The following NR5A2 variants were observed in gnomAD, a reference collection of about 807,000 sequenced individuals.
NR5A2 encodes the protein nuclear receptor subfamily 5 group A member 2.
NR5A2 carries 26 observed loss-of-function variants against 62.7 expected under a neutral mutation model. The observed-to-expected ratio is 0.41, with a 90% confidence interval of 0.30 to 0.58. The LOEUF (loss-of-function observed/expected upper bound fraction) is 0.58, where lower values mean the gene tolerates loss of function less well. Among genes scored for constraint, NR5A2 ranks in the 20% least tolerant of loss-of-function variants. The pLI is 0.22. For synonymous variants in NR5A2, 246 were observed against 241.7 expected, an observed-to-expected ratio of 1.02 and a Z score of -0.16; for missense variants, 541 against 669.1, an observed-to-expected ratio of 0.81 and a Z score of 2.11.
intron 5 of NR5A2, among the ~76,000 whole-genome samples, chr1:200,065,386 C>A (rs992084813): frequency 6.6e-6 from 1 of 151,794 alleles, no homozygotes; most frequent in Non-Finnish European, 1.5e-5. Flanking sequence ...TCAGGTGATC[C>A]ACCACCTCGG....
chr1:200,104,066 T>C (rs920537604), intron 5 of NR5A2, among the ~76,000 whole-genome samples: 24 of 152,086 alleles, frequency 1.6e-4, no homozygotes, highest in Admixed American at 3.3e-4. Context: ...TTGTGCTGCA[T>C]TGGAGAAACA....
Position 200,149,986 on chromosome 1 carries a change from A to G in NR5A2, c.1379-23977A>G, listed in dbSNP as rs116279677. Among the ~76,000 whole-genome samples the G allele has an allele frequency of 5.1e-3, 775 of 152,282 alleles. 8 individuals are homozygous for G. Among genetic ancestry groups the G allele is most frequent in the African/African-American group, 0.018 (748 of 41,558 alleles). On this transcript the variant is annotated intron_variant, in intron 7 of 7. Coordinates refer to ENST00000367362, the MANE Select transcript of NR5A2 (RefSeq NM_205860.3). ...AGTCATTCGTTCCAGAGTTTATATC[A>G]CTTATGTAAAGCGTATAACTCCAAA...
intron 6 of NR5A2, among the ~76,000 whole-genome samples, chr1:200,114,909 T>C (rs1440676652): frequency 6.6e-6 from 1 of 152,214 alleles, no homozygotes; most frequent in African/African-American, 2.4e-5. Flanking sequence ...TCACAGATGC[T>C]GCAGAGCTTG....
At chr1:200,148,774 T>C (rs1387354976) in intron 7 of NR5A2, among the ~76,000 whole-genome samples, 2 of 152,196 alleles carry the variant, frequency 1.3e-5, no homozygotes, top group Non-Finnish European at 2.9e-5. Context: ...ACAAATGAGA[T>C]TTAAAAATTG....
chr1:200,130,278 G>GGAAGAAGAAGAAGAAGAAGAA (rs66507419), intron 7 of NR5A2, among the ~76,000 whole-genome samples: 41 of 106,434 alleles, frequency 3.9e-4, no homozygotes, highest in Non-Finnish European at 7.4e-4. Flanking sequence ...GAACTAACTA[G>GGAAGAAGAAGAAGAAGAAGAA]GAAGAAGAAG....
chr1:200,086,777 G>C (rs1279646971), intron 5 of NR5A2, among the ~76,000 whole-genome samples: 1 of 152,130 alleles, frequency 6.6e-6, no homozygotes, highest in Non-Finnish European at 1.5e-5. Context: ...GGTGGCTCAC[G>C]CCTCTAATTC....
At chr1:200,033,239 G>C (rs1661609463) in intron 1 of NR5A2, among the ~76,000 whole-genome samples, 1 of 152,168 alleles carries the variant, frequency 6.6e-6, no homozygotes, top group African/African-American at 2.4e-5. Flanking sequence ...CAGATGGTGA[G>C]AAGGAACTGA....
rs373288871 is a variant in NR5A2 at position 200,034,662 on chromosome 1, C to T, written c.65-4996C>T. 1.2e-4 allele frequency among the ~76,000 whole-genome samples: 18 copies of T among 151,758 alleles called. No homozygotes were observed. The East Asian group carries it at 2.1e-3, about 18-fold the overall frequency. On this transcript the variant is annotated intron_variant, in intron 1 of 7. Transcript: ENST00000367362. ...TTGCTTCGGCTTTCGTTTTCCTCCG[C>T]GATAAAAACCGCGCCACGCCAGATC...
intron 7 of NR5A2, among the ~76,000 whole-genome samples, chr1:200,171,236 G>A (rs922900273): frequency 4.6e-5 from 7 of 152,166 alleles, no homozygotes. Context: ...GGGACAATTA[G>A]CAGCATATGT....
chr1:200,170,811 G>T (rs1277249357), intron 7 of NR5A2, among the ~76,000 whole-genome samples: 1 of 152,198 alleles, frequency 6.6e-6, no homozygotes, highest in Non-Finnish European at 1.5e-5. Context: ...ACTATTACAT[G>T]TAAAGTACAG....
At chr1:200,148,842 G>A (rs1571558617) in intron 7 of NR5A2, among the ~76,000 whole-genome samples, 2 of 151,678 alleles carry the variant, frequency 1.3e-5, no homozygotes, top group Admixed American at 1.3e-4. Flanking sequence ...CCTTATAAGG[G>A]TGGAGGTTTT....
chr1:200,066,586 A>ATTTTTTTTTTTT (rs1663480896), intron 5 of NR5A2, among the ~76,000 whole-genome samples: 2 of 87,772 alleles, frequency 2.3e-5, no homozygotes, highest in African/African-American at 7.6e-5. Context: ...TTAATTAATT[A>ATTTTTTTTTTTT]TCTTTTTTTT....
intron 5 of NR5A2, among the ~76,000 whole-genome samples, chr1:200,073,146 C>T (rs1415127943): frequency 1.3e-5 from 2 of 151,224 alleles, no homozygotes; most frequent in African/African-American, 4.9e-5. Flanking sequence ...AGAACTAGTG[C>T]ATCGTGAACA....
At chr1:200,127,690 AAAAAAAAAAAAAAAAAAAAATAT>A (rs1666768622) in intron 7 of NR5A2, among the ~76,000 whole-genome samples, 1 of 78,544 alleles carries the variant, frequency 1.3e-5, no homozygotes, top group Non-Finnish European at 2.6e-5. Context: ...AAAAAAAAAA[AAAAAAAAAAAAAAAAAAAAATAT>A]ATATATATAT....
intron 7 of NR5A2, among the ~76,000 whole-genome samples, chr1:200,154,220 T>G (rs1653271107): frequency 6.6e-6 from 1 of 151,988 alleles, no homozygotes; most frequent in South Asian, 2.1e-4. Flanking sequence ...GTCCTGAAGT[T>G]GTGTGTGTGT....
intron 5 of NR5A2, among the ~76,000 whole-genome samples, chr1:200,106,936 C>T (rs867301095): frequency 3.9e-5 from 6 of 152,032 alleles, no homozygotes; most frequent in African/African-American, 4.8e-5. Context: ...TATAAAATAC[C>T]ACATAATCAA....
chr1:200,174,009 A>G lies in NR5A2; in HGVS notation c.1425A>G (p.Glu475=). The G allele has an allele frequency of 6.3e-7, 1 of 1,593,970 alleles. No homozygotes were observed. The highest frequency in any genetic ancestry group is 1.7e-5 in the Admixed American group (1 of 57,482). The change falls in exon 8 of 8, where the codon GAA becomes GAG. Residue 475 remains glutamate, a synonymous_variant. Transcript: ENST00000367362. ...ENFQLVEGVQ[E]QVNAALLDYT... Reference sequence around the variant, plus strand: ...TCCAGCTGGTAGAAGGTGTCCAGGAACAAGTCAATGCCGCCCTGCTGGACT... The same window carrying G: ...TCCAGCTGGTAGAAGGTGTCCAGGAGCAAGTCAATGCCGCCCTGCTGGACT...
chr1:200,147,035 GAAC>G lies in NR5A2; in HGVS notation c.1378+26086_1378+26088del, dbSNP rs1667735115. Among the ~76,000 whole-genome samples the G allele has an allele frequency of 6.6e-6, 1 of 150,934 alleles. No individual in the cohort carries two copies. Among genetic ancestry groups the G allele is most frequent in the Non-Finnish European group, 1.5e-5 (1 of 67,814 alleles). On this transcript the variant is annotated intron_variant, in intron 7 of 7. Coordinates refer to ENST00000367362, the MANE Select transcript of NR5A2 (RefSeq NM_205860.3). The surrounding 1 kb of genome is among the most constrained non-coding windows in gnomAD (Gnocchi z 4.9). The stretch of plus-strand genomic sequence containing the variant: ...AAAGAGTTGAACACAGCAAAACTTG[GAAC>G]AACAAGGAATTAACTGGGTGGCAGC...
At chr1:200,103,558 G>A (rs181390085) in intron 5 of NR5A2, among the ~76,000 whole-genome samples, 1 of 152,308 alleles carries the variant, frequency 6.6e-6, no homozygotes, top group East Asian at 1.9e-4. Flanking sequence ...TGTAATAAGA[G>A]CTGAAGTTGA....
Sources: gnomAD v4.1 joint callset for allele counts (sites outside exome capture counted in the v4.1 genomes callset) on GRCh38, gnomAD v4.1.1 for gene constraint, Gnocchi (gnomAD v3.1) non-coding constraint, MANE v1.5 for transcripts, NCBI Gene and HGNC (gene_info 2026-07-23, HGNC 2026-07-21) for gene names.